KIAA0586: variants seen among roughly 807,000 people sequenced by gnomAD.
KIAA0586 encodes the protein protein TALPID3.
In KIAA0586, 144 loss-of-function variants were observed where a neutral mutation model predicts 169.8. That is an observed-to-expected ratio of 0.85 (90% CI 0.74 to 0.97). KIAA0586 has a LOEUF of 0.97. Ranked by LOEUF, KIAA0586 falls within the 50% of genes least tolerant of loss-of-function variation. KIAA0586 has a pLI of 0.00. For synonymous variants in KIAA0586, 625 were observed against 612.4 expected (o/e 1.02, Z -0.30); for missense variants, 1,854 against 1,823.0 (o/e 1.02, Z -0.31).
At chr14:58,484,408 C>A (rs1331740434) in intron 21 of KIAA0586, among the ~76,000 whole-genome samples, 1 of 152,002 alleles carries the variant, frequency 6.6e-6, no homozygotes, top group African/African-American at 2.4e-5. Context: ...TGACTGGTTT[C>A]ATTTAAGAAG....
At chr14:58,488,940 C>G (rs1447175946) in intron 24 of KIAA0586, 66 bp downstream of exon 24, 1 of 1,476,190 alleles carries the variant, frequency 6.8e-7, no homozygotes, top group Non-Finnish European at 9.2e-7. Context: ...TAATACTTTT[C>G]TATTTAAAGT....
At chr14:58,465,738 T>G (rs2040707197) in intron 14 of KIAA0586, 97 bp from the exon 15 acceptor site, 1 of 746,312 alleles carries the variant, frequency 1.3e-6, no homozygotes, top group South Asian at 2.3e-5. Context: ...TATATAGAAT[T>G]AAGATTTTTC....
chr14:58,450,802 C>T, intron 8 of KIAA0586, 56 bp downstream of exon 8: 2 of 1,125,784 alleles, frequency 1.8e-6, no homozygotes, highest in South Asian at 1.4e-5. Flanking sequence ...ATGAGATTTT[C>T]TGTGCCTAGT....
intron 15 of KIAA0586, among the ~76,000 whole-genome samples, chr14:58,466,864 G>C (rs551993093): frequency 2.6e-5 from 4 of 152,282 alleles, no homozygotes; most frequent in Non-Finnish European, 5.9e-5. Flanking sequence ...GCTATCATAA[G>C]TGAAAGCTGT....
At chr14:58,453,696 G>T (rs963431383) in intron 9 of KIAA0586, among the ~76,000 whole-genome samples, 1 of 151,970 alleles carries the variant, frequency 6.6e-6, no homozygotes, top group Non-Finnish European at 1.5e-5. Flanking sequence ...CTAACGTATG[G>T]ATTATTCATT....
In KIAA0586 at chr14:58,428,045, G is replaced by A; in HGVS notation, c.-220G>A. The A allele has an allele frequency of 7.0e-7, 1 of 1,431,216 alleles. No homozygotes were observed. 88.7% of individuals were successfully genotyped at this position (1,431,216 alleles called of 1,614,324 possible). A position where few individuals can be genotyped will look rare whatever the true frequency, so the allele number is the denominator to read the frequency against. ...GTCATCCCCACTTTCACATTTTGGCGTGGTGTATTAATAGACTGAGTGGGA... is the reference window on the plus strand; with the variant it reads ...GTCATCCCCACTTTCACATTTTGGCATGGTGTATTAATAGACTGAGTGGGA... On this transcript the variant is annotated 5_prime_UTR_variant, in exon 1 of 31. In the 5' UTR this introduces an upstream ATG that the reference lacks. Coordinates refer to ENST00000652326, the MANE Select transcript of KIAA0586 (RefSeq NM_001329943.3).
At chr14:58,492,715 A>G (rs1054777229) in intron 26 of KIAA0586, among the ~76,000 whole-genome samples, 1 of 152,164 alleles carries the variant, frequency 6.6e-6, no homozygotes, top group African/African-American at 2.4e-5. Context: ...AGGAGAAAAG[A>G]CTCTGCCTGA....
intron 29 of KIAA0586, among the ~76,000 whole-genome samples, chr14:58,533,785 C>T (rs1344045014): frequency 2.6e-5 from 4 of 152,100 alleles, no homozygotes; most frequent in Non-Finnish European, 5.9e-5. Context: ...CCACTGGTGT[C>T]GTGTGTACAG....
intron 27 of KIAA0586, 40 bp from the exon 28 acceptor site, chr14:58,508,515 A>G (rs1566918801): frequency 7.0e-7 from 1 of 1,437,600 alleles, no homozygotes. Context: ...GATAAATTTA[A>G]CACTTTATTT....
intron 30 of KIAA0586, among the ~76,000 whole-genome samples, chr14:58,545,553 A>T (rs2046927565): frequency 6.6e-6 from 1 of 152,170 alleles, no homozygotes; most frequent in African/African-American, 2.4e-5. Context: ...ATGAGTGGAA[A>T]ATTAATTTGC....
chr14:58,484,825 A>G (rs1184808597), intron 21 of KIAA0586, among the ~76,000 whole-genome samples: 1 of 141,112 alleles, frequency 7.1e-6, no homozygotes, highest in Non-Finnish European at 1.5e-5. Flanking sequence ...AATAAAGGGT[A>G]ATCACCTTAT....
chr14:58,442,721 T>G lies in KIAA0586; in HGVS notation c.426T>G (p.Pro142=). 6.4e-7 allele frequency: 1 copy of G among 1,571,046 alleles called. No homozygotes were observed. The highest frequency in any genetic ancestry group is 8.6e-7 in the Non-Finnish European group (1 of 1,156,828). The change falls in exon 5 of 31, where the codon CCT becomes CCG. Residue 142 remains proline, a synonymous_variant. Transcript: ENST00000652326. The stretch of plus-strand genomic sequence containing the variant: ...TTATTTATAGAGCTCAAAGCATGCC[T>G]GTTTTTAAGGAAGTAAAGGTACATC... ...TVLKQKAQSM[P]VFKEVKVHLL... is the part of the protein sequence containing the mutation.
In KIAA0586 at chr14:58,477,163, T is replaced by C. The variant is rs943207254; in HGVS notation, c.2866T>C (p.Phe956Leu). 1 of 1,581,582 alleles carries C rather than the reference T, an allele frequency of 6.3e-7. No homozygotes were observed. Among genetic ancestry groups the C allele is most frequent in the Non-Finnish European group, 8.6e-7 (1 of 1,161,774 alleles). The change falls in exon 20 of 31, where the codon TTT (phenylalanine) becomes CTT (leucine). Residue 956 changes from phenylalanine (F) to leucine (L), a missense_variant. Transcript: ENST00000652326. ...AATGTCAAGAATTATCTCTGGGCTCTTTCCAGTCCAGCAACAGATTGCACC... is the reference window on the plus strand; with the variant it reads ...AATGTCAAGAATTATCTCTGGGCTCCTTCCAGTCCAGCAACAGATTGCACC... ...EIMSRIISGL[F>L]PVQQQIAPSI...
At position 58,473,979 on chromosome 14, in the gene KIAA0586, C is replaced by G. The variant is rs527307701; in HGVS notation, c.2635-628C>G. ...GGCTGTACAAGAAGCATGGTGCCAG[C>G]AACTACTTCTGGTCAGGACCTCAGG... On this transcript the variant is annotated intron_variant, in intron 18 of 30. Transcript: ENST00000652326. Among the ~76,000 whole-genome samples, 5 of 152,038 alleles carry G rather than the reference C, an allele frequency of 3.3e-5. No homozygotes were observed. The South Asian group carries it at 6.2e-4, about 19-fold the overall frequency.
chr14:58,484,357 A>G (rs1337654335), intron 21 of KIAA0586, among the ~76,000 whole-genome samples: 1 of 152,130 alleles, frequency 6.6e-6, no homozygotes, highest in Non-Finnish European at 1.5e-5. Context: ...TAAGTTCCAT[A>G]AAAAATATTG....
rs758553529 is a variant in KIAA0586 at position 58,465,946 on chromosome 14, A to G, written c.2171A>G (p.Gln724Arg). Residue 724 changes from glutamine to arginine, a missense_variant, in exon 15 of 31, where the codon CAA becomes CGA. Transcript: ENST00000652326. Reference sequence around the variant, plus strand: ...CCTGTGTTACCTCATGGCGATCAGCAATATTTGTTCAGCCCAAGTAGAGAA... The same window carrying G: ...CCTGTGTTACCTCATGGCGATCAGCGATATTTGTTCAGCCCAAGTAGAGAA... ...SVPVLPHGDQ[Q>R]YLFSPSREMP... 8.1e-6 allele frequency: 13 copies of G among 1,613,460 alleles called. No homozygotes were observed. The highest frequency in any genetic ancestry group is 1.1e-5 in the South Asian group (1 of 91,028).
rs776003330 is a variant in KIAA0586 at position 58,488,761 on chromosome 14, C to G, written c.3668C>G (p.Ser1223Ter). 6 of 1,613,894 alleles carry G rather than the reference C, an allele frequency of 3.7e-6. No homozygotes were observed. In the Admixed American group the frequency reaches 1.0e-4, roughly 27 times the overall value. The change falls in exon 24 of 31, where the codon TCA (serine) becomes TGA (stop). Residue 1223 changes from serine to a stop codon, truncating the protein, a stop_gained. Coordinates refer to ENST00000652326, the MANE Select transcript of KIAA0586 (RefSeq NM_001329943.3). LOFTEE classifies it high-confidence loss of function. Reference sequence around the variant, plus strand: ...CCCTCACAGATGCCAGGTTCTGATTCATCAACACTGGAGAGCACATTGAGT... The same window carrying G: ...CCCTCACAGATGCCAGGTTCTGATTGATCAACACTGGAGAGCACATTGAGT... ...PSPSQMPGSD[S>*]STLESTLSVT...
intron 29 of KIAA0586, among the ~76,000 whole-genome samples, chr14:58,529,759 G>A (rs1003723671): frequency 1.1e-4 from 17 of 152,242 alleles, no homozygotes; most frequent in African/African-American, 3.9e-4. Context: ...CATACTGTAT[G>A]GGCAAAAGCT....
chr14:58,502,636 T>C (rs187722700), intron 27 of KIAA0586, among the ~76,000 whole-genome samples: 1 of 152,292 alleles, frequency 6.6e-6, no homozygotes, highest in Admixed American at 6.5e-5. Context: ...GTACATGTAT[T>C]TGACAATGCA....
Sources: allele counts gnomAD v4.1 joint callset (sites outside exome capture counted in the v4.1 genomes callset), GRCh38; gene constraint gnomAD v4.1.1; transcripts MANE v1.5; gene names NCBI Gene and HGNC (gene_info 2026-07-23, HGNC 2026-07-21).